Variants in P3H2 observed in about 807,000 individuals in gnomAD.
The protein encoded by P3H2 is prolyl 3-hydroxylase 2.
P3H2 carries 80 observed loss-of-function variants against 87.0 expected under a neutral mutation model. That is an observed-to-expected ratio of 0.92 (90% CI 0.77 to 1.11). The LOEUF (loss-of-function observed/expected upper bound fraction) is 1.11, where lower values mean the gene tolerates loss of function less well. Ranked by LOEUF, P3H2 falls within the 50% of genes least tolerant of loss-of-function variation. The pLI is 0.00. For synonymous variants in P3H2, 367 were observed against 359.3 expected, an observed-to-expected ratio of 1.02 and a Z score of -0.24; for missense variants, 1,001 against 923.9, an observed-to-expected ratio of 1.08 and a Z score of -1.08.
chr3:190,020,626 G>C (rs545418578), intron 1 of P3H2, among the ~76,000 whole-genome samples: 1 of 133,810 alleles, frequency 7.5e-6, no homozygotes, highest in Non-Finnish European at 1.7e-5. Context: ...ATCAGTGCCA[G>C]ATACACAGCA....
intron 1 of P3H2, among the ~76,000 whole-genome samples, chr3:190,032,867 T>C (rs1725297942): frequency 6.6e-6 from 1 of 152,108 alleles, no homozygotes; most frequent in Non-Finnish European, 1.5e-5. Flanking sequence ...GGCGATGGTG[T>C]GAGAATGATT....
intron 7 of P3H2, 130 bp downstream of exon 7, chr3:189,984,420 T>C: frequency 1.3e-6 from 1 of 745,622 alleles, no homozygotes; most frequent in Non-Finnish European, 2.3e-6. Context: ...GTAGAGCTCC[T>C]AATTCAGAGC....
At chr3:189,969,416 C>T (rs1232420543) in intron 13 of P3H2, 24 of 803,928 alleles carry the variant, frequency 3.0e-5, no homozygotes, top group East Asian at 7.3e-5. Context: ...TCTATAAGAA[C>T]GTCTCTCGTT....
intron 1 of P3H2, among the ~76,000 whole-genome samples, chr3:190,054,121 T>C (rs1490163619): frequency 6.6e-6 from 1 of 152,216 alleles, no homozygotes; most frequent in Non-Finnish European, 1.5e-5. Flanking sequence ...CCAAGACCAC[T>C]ACTGGAACAG....
At chr3:190,004,566 T>C (rs1032619791) in intron 1 of P3H2, among the ~76,000 whole-genome samples, 31 of 152,032 alleles carry the variant, frequency 2.0e-4, no homozygotes, top group Non-Finnish European at 4.4e-4. Flanking sequence ...GTATTTTTAG[T>C]AGAGACGGGG....
At chr3:190,030,637 A>G (rs1725223582) in intron 1 of P3H2, among the ~76,000 whole-genome samples, 1 of 152,246 alleles carries the variant, frequency 6.6e-6, no homozygotes, top group South Asian at 2.1e-4. Context: ...TCATGTTTGA[A>G]TGGAAAAATG....
intron 1 of P3H2, among the ~76,000 whole-genome samples, chr3:190,096,137 C>T (rs922027757): frequency 2.0e-5 from 3 of 152,156 alleles, no homozygotes; most frequent in Middle Eastern, 3.2e-3. Flanking sequence ...TACAAACAAA[C>T]GCCAAGAACC....
chr3:190,088,838 C>T (rs1727313501), intron 1 of P3H2, among the ~76,000 whole-genome samples: 1 of 152,132 alleles, frequency 6.6e-6, no homozygotes, highest in African/African-American at 2.4e-5. Flanking sequence ...ACAGTTCCTG[C>T]AATACCTGCA....
rs1328554021 is a variant in P3H2, at chr3:190,049,127, A to T, written c.481-53685T>A. ...CAGGGAAAGAAAAATAGAAAGTCAG[A>T]AGAGGAAGAAAAACTGCATGTTCAT... On this transcript the variant is annotated intron_variant, in intron 1 of 14. Coordinates refer to ENST00000319332, the MANE Select transcript of P3H2 (RefSeq NM_018192.4). Among the ~76,000 whole-genome samples the T allele has an allele frequency of 3.3e-5, 5 of 152,212 alleles. No individual in the cohort carries two copies. The South Asian group carries it at 1.0e-3, about 32-fold the overall frequency.
At chr3:189,965,992 AAAAG>A (rs1353142422) in intron 13 of P3H2, among the ~76,000 whole-genome samples, 1 of 150,446 alleles carries the variant, frequency 6.6e-6, no homozygotes, top group African/African-American at 2.4e-5. Flanking sequence ...AGAAAGAAAG[AAAAG>A]AAAGAAGAGA....
intron 1 of P3H2, 102 bp from the exon 2 acceptor site, chr3:189,995,544 C>T: frequency 9.1e-7 from 1 of 1,095,654 alleles, no homozygotes; most frequent in Non-Finnish European, 1.3e-6. Flanking sequence ...AAGAATGAAA[C>T]TAGGAGCCTT....
chr3:190,095,080 G>T (rs975748148), intron 1 of P3H2, among the ~76,000 whole-genome samples: 2 of 151,888 alleles, frequency 1.3e-5, no homozygotes, highest in African/African-American at 4.8e-5. Flanking sequence ...CTTAGGTTTT[G>T]ACAGGCATAT....
At chr3:190,005,374 T>C (rs1030909485) in intron 1 of P3H2, among the ~76,000 whole-genome samples, 10 of 152,334 alleles carry the variant, frequency 6.6e-5, no homozygotes, top group Middle Eastern at 3.4e-3. Flanking sequence ...GAAGTAATCA[T>C]TTGGGCCCTG....
At chr3:190,071,682 G>A (rs1352415564) in intron 1 of P3H2, among the ~76,000 whole-genome samples, 1 of 152,050 alleles carries the variant, frequency 6.6e-6, no homozygotes, top group East Asian at 1.9e-4. Context: ...AAAAGCTGCA[G>A]ATGTTAAAGA....
chr3:190,120,137 T>C (rs1712480751), intron 1 of P3H2, 115 bp downstream of exon 1: 1 of 1,244,686 alleles, frequency 8.0e-7, no homozygotes, highest in East Asian at 2.5e-5. Flanking sequence ...GAGACACATA[T>C]TTAAGGAGAC....
At chr3:190,095,303 CATATAT>C (rs57074960) in intron 1 of P3H2, among the ~76,000 whole-genome samples, 4,761 of 49,098 alleles carry the variant, frequency 0.097, 132 homozygotes, top group South Asian at 0.14. Flanking sequence ...TGTCTCAAAA[CATATAT>C]ATATATATAT....
intron 1 of P3H2, among the ~76,000 whole-genome samples, chr3:190,113,374 C>T (rs566561517): frequency 1.3e-5 from 2 of 152,298 alleles, no homozygotes; most frequent in South Asian, 4.1e-4. Flanking sequence ...CTACCACTTC[C>T]ACCCTTGTTA....
chr3:189,999,245 T>C (rs919696314), intron 1 of P3H2, among the ~76,000 whole-genome samples: 5 of 152,224 alleles, frequency 3.3e-5, no homozygotes, highest in Non-Finnish European at 7.3e-5. Context: ...TATTTGGTGC[T>C]TTCCTCCTTT....
chr3:190,059,287 G>A (rs1726261890), intron 1 of P3H2, among the ~76,000 whole-genome samples: 1 of 152,066 alleles, frequency 6.6e-6, no homozygotes, highest in African/African-American at 2.4e-5. Context: ...TTTAATAGCT[G>A]ATGCAGACAG....
Sources: gnomAD v4.1 joint callset for allele counts (sites outside exome capture counted in the v4.1 genomes callset) on GRCh38, gnomAD v4.1.1 for gene constraint, MANE v1.5 for transcripts, NCBI Gene and HGNC (gene_info 2026-07-23, HGNC 2026-07-21) for gene names.